The following CLEC17A variants were observed in gnomAD, a reference collection of about 807,000 sequenced individuals.
CLEC17A encodes the protein C-type lectin domain family 17, member A.
CLEC17A carries 37 observed loss-of-function variants against 61.3 expected under a neutral mutation model. That is an observed-to-expected ratio of 0.60 (90% confidence interval 0.46 to 0.79). The LOEUF (loss-of-function observed/expected upper bound fraction) is 0.79. CLEC17A is among the 30% of genes least tolerant of loss of function. The pLI is 0.00. For synonymous variants in CLEC17A, 168 were observed against 164.9 expected (o/e 1.02, Z -0.14); for missense variants, 418 against 464.7 (o/e 0.90, Z 0.92).
intron 3 of CLEC17A, among the ~76,000 whole-genome samples, chr19:14,591,196 C>G (rs2074406212): frequency 1.3e-5 from 2 of 151,776 alleles, no homozygotes; most frequent in South Asian, 4.2e-4. Context: ...GCTCTGTCGC[C>G]CAGGCTGGAG....
At chr19:14,593,531 G>A (rs1023310246) in intron 4 of CLEC17A, among the ~76,000 whole-genome samples, 7 of 151,826 alleles carry the variant, frequency 4.6e-5, no homozygotes, top group African/African-American at 1.2e-4. Flanking sequence ...GTTGTGGGAT[G>A]TGTGCCTGTT....
Position 14,602,083 on chromosome 19 carries a change from C to T in CLEC17A, c.894+1901C>T, listed in dbSNP as rs185395736. On this transcript the variant is annotated intron_variant, in intron 12 of 13. Transcript: ENST00000417570. ...CTGGGATTACAGGCATGAGCCACCG[C>T]GCCTGGCCCAGCAAATTATTTTTAC... Among the ~76,000 whole-genome samples the T allele has an allele frequency of 2.4e-3, 366 of 151,676 alleles. 3 individuals are homozygous for T. The highest frequency in any genetic ancestry group is 8.4e-3 in the African/African-American group (346 of 41,360).
intron 12 of CLEC17A, among the ~76,000 whole-genome samples, chr19:14,606,634 C>G (rs954209355): frequency 6.7e-6 from 1 of 149,746 alleles, no homozygotes; most frequent in Non-Finnish European, 1.5e-5. Context: ...GAGCTGAGAT[C>G]GCACCACAGC....
rs570419049 is a variant in CLEC17A at position 14,597,775 on chromosome 19, T to A, written c.646+614T>A. Among the ~76,000 whole-genome samples the A allele has an allele frequency of 1.1e-4, 15 of 134,912 alleles. 1 individual carries two copies. Among genetic ancestry groups the A allele is most frequent in the South Asian group, 8.5e-4 (4 of 4,708 alleles). 88.5% of individuals were successfully genotyped at this position (134,912 alleles called of 152,430 possible). On this transcript the variant is annotated intron_variant, in intron 10 of 13. Coordinates refer to ENST00000417570, the MANE Select transcript of CLEC17A (RefSeq NM_001204118.2). ...CCATCACACCCGGCTGGTTAAAAAA[T>A]TTTTTTTTTGTATAGAAGAGGTCTC...
intron 2 of CLEC17A, among the ~76,000 whole-genome samples, chr19:14,586,717 G>A (rs2074289396): frequency 2.0e-5 from 3 of 151,630 alleles, no homozygotes; most frequent in Admixed American, 2.0e-4. Context: ...ATGAGCCATT[G>A]CGCCCAGCCT....
rs530036779 is a variant in CLEC17A, at chr19:14,597,996, A to C, written c.646+835A>C. On this transcript the variant is annotated intron_variant, in intron 10 of 13. Coordinates refer to ENST00000417570, the MANE Select transcript of CLEC17A (RefSeq NM_001204118.2). ...GTGATAATACACACGTTAATTATAG[A>C]AGAATCTTTTGACCTGGGTTGGCCT... Among the ~76,000 whole-genome samples the C allele has an allele frequency of 1.2e-4, 18 of 152,270 alleles. No individual in the cohort carries two copies. The East Asian group carries it at 3.1e-3, about 26-fold the overall frequency.
At chr19:14,587,714 G>T (rs760702653) in intron 3 of CLEC17A, 23 bp downstream of exon 3, 1 of 1,609,792 alleles carries the variant, frequency 6.2e-7, no homozygotes, top group East Asian at 2.2e-5. Context: ...TTTGGAGTGT[G>T]ACCTGGGGGA....
At chr19:14,597,721 C>T (rs1219230907) in intron 10 of CLEC17A, among the ~76,000 whole-genome samples, 1 of 152,164 alleles carries the variant, frequency 6.6e-6, no homozygotes, top group African/African-American at 2.4e-5. Context: ...CTGCCTCAGC[C>T]TCTTGAGTAG....
chr19:14,599,251 C>G (rs1163961410), intron 10 of CLEC17A, among the ~76,000 whole-genome samples: 1 of 151,792 alleles, frequency 6.6e-6, no homozygotes, highest in Non-Finnish European at 1.5e-5. Flanking sequence ...CCACGCCCAA[C>G]TAATTTTTGT....
intron 10 of CLEC17A, 71 bp downstream of exon 10, chr19:14,597,232 A>G: frequency 7.3e-7 from 1 of 1,373,254 alleles, no homozygotes; most frequent in Non-Finnish European, 1.0e-6. Context: ...TCCAACTCCA[A>G]GATCCAACCT....
At chr19:14,600,257 C>A (rs2074670965) in intron 12 of CLEC17A, 75 bp downstream of exon 12, 2 of 1,531,162 alleles carry the variant, frequency 1.3e-6, no homozygotes, top group Non-Finnish European at 1.8e-6. Flanking sequence ...CACATCCCTC[C>A]CTTCCCTGGA....
intron 8 of CLEC17A, among the ~76,000 whole-genome samples, chr19:14,595,727 GGTGATGGTGGAGATA>G (rs2074527000): frequency 6.6e-6 from 1 of 151,906 alleles, no homozygotes; most frequent in East Asian, 1.9e-4. Context: ...TGATGATGGT[GGTGATGGTGGAGATA>G]GTGATGGTGT....
Position 14,607,400 on chromosome 19 carries a change from T to TCACC in CLEC17A, c.1004+299_1004+302dup, listed in dbSNP as rs562078609. Among the ~76,000 whole-genome samples, 405 of 151,874 alleles carry TCACC rather than the reference T, an allele frequency of 2.7e-3. 1 individual carries two copies. The highest frequency in any genetic ancestry group is 9.3e-3 in the African/African-American group (385 of 41,486). ...TTGTATTTTTAGTAGAGACGGGGTTTCACCGTGTTAGCCAGGATGGTCTTG... is the reference window on the plus strand; with the variant it reads ...TTGTATTTTTAGTAGAGACGGGGTTTCACCCACCGTGTTAGCCAGGATGGTCTTG... On this transcript the variant is annotated intron_variant, in intron 13 of 13. Transcript: ENST00000417570.
At chr19:14,590,735 G>A (rs998432568) in intron 3 of CLEC17A, among the ~76,000 whole-genome samples, 2 of 151,950 alleles carry the variant, frequency 1.3e-5, no homozygotes, top group African/African-American at 4.8e-5. Context: ...TGCCCAGGCT[G>A]GAGTGTGGTA....
chr19:14,607,035 C>A lies in CLEC17A; in HGVS notation c.937C>A (p.Leu313Met). Reference sequence around the variant, plus strand: ...CCATGGCTCTCCACGGGTGTACTGGCTGGGGCTGAATGACAGGGCCCAGGA... The same window carrying A: ...CCATGGCTCTCCACGGGTGTACTGGATGGGGCTGAATGACAGGGCCCAGGA... ...KAHGSPRVYWLGLNDRAQEGD... is the reference protein window; with the variant it reads ...KAHGSPRVYWMGLNDRAQEGD... The change falls in exon 13 of 14, where the codon CTG becomes ATG. Residue 313 changes from leucine (L) to methionine (M), a missense_variant. Transcript: ENST00000417570. The A allele has an allele frequency of 7.5e-7, 1 of 1,340,988 alleles. No homozygotes were observed. 83.1% of individuals were successfully genotyped at this position (1,340,988 alleles called of 1,614,324 possible).
intron 12 of CLEC17A, among the ~76,000 whole-genome samples, chr19:14,606,486 C>G (rs1331233783): frequency 6.6e-6 from 1 of 151,900 alleles, no homozygotes; most frequent in African/African-American, 2.4e-5. Flanking sequence ...TGAGATCAGG[C>G]TGGTCAACAT....
intron 10 of CLEC17A, among the ~76,000 whole-genome samples, chr19:14,598,091 A>G (rs904060448): frequency 3.9e-5 from 6 of 152,234 alleles, no homozygotes; most frequent in African/African-American, 1.4e-4. Context: ...CATAACAAGC[A>G]AGCTCAAAAC....
chr19:14,596,813 A>T (rs910597310), intron 8 of CLEC17A, 63 bp from the exon 9 acceptor site: 18 of 1,559,744 alleles, frequency 1.2e-5, no homozygotes, highest in Non-Finnish European at 1.5e-5. Flanking sequence ...AAGACTTAAG[A>T]GTCTCTTCCT....
chr19:14,607,362 C>A (rs1336939551), intron 13 of CLEC17A, among the ~76,000 whole-genome samples: 1 of 129,254 alleles, frequency 7.7e-6, no homozygotes, highest in Non-Finnish European at 1.8e-5. Context: ...CATCACCATG[C>A]CCGGCTAATT....
Sources: gnomAD v4.1 joint callset for allele counts (sites outside exome capture counted in the v4.1 genomes callset) on GRCh38, gnomAD v4.1.1 for gene constraint, MANE v1.5 for transcripts, NCBI Gene and HGNC (gene_info 2026-07-23, HGNC 2026-07-21) for gene names.